The following XAF1 variants were observed in gnomAD, a reference collection of about 807,000 sequenced individuals.
The protein encoded by XAF1 is XIAP-associated factor 1.
XAF1 carries 32 observed loss-of-function variants against 32.3 expected under a neutral mutation model. The ratio of observed to expected loss-of-function variants is 0.99; its 90% CI spans 0.75 to 1.33. The LOEUF (loss-of-function observed/expected upper bound fraction) is 1.33. Ranked by LOEUF, XAF1 falls within the 40% of genes most tolerant of loss-of-function variation. XAF1 has a pLI of 0.00. For missense variants in XAF1, 379 were observed against 366.0 expected (o/e 1.04, Z -0.29); for synonymous variants, 120 against 125.9 (o/e 0.95, Z 0.31).
chr17:6,759,967 G>A (rs907863017), intron 3 of XAF1: 47 of 631,624 alleles, frequency 7.4e-5, no homozygotes, highest in African/African-American at 6.2e-4. Context: ...AGGCAGTCCC[G>A]CACTCTGGCC....
At chr17:6,755,851 T>A, upstream of XAF1, 3 of 1,368,108 alleles carry the variant, frequency 2.2e-6, no homozygotes, top group Non-Finnish European at 2.8e-6. Context: ...GATGCGGCTG[T>A]GACAGCAGCA....
intron 4 of XAF1, chr17:6,761,847 G>A (rs72836229): frequency 0.011 from 14,674 of 1,393,608 alleles, 90 homozygotes; most frequent in Middle Eastern, 0.016. Context: ...GAATGGAGGG[G>A]GTTGGCATCC....
intron 5 of XAF1, among the ~76,000 whole-genome samples, chr17:6,762,532 A>G (rs1396633582): frequency 6.6e-6 from 1 of 152,128 alleles, no homozygotes; most frequent in Non-Finnish European, 1.5e-5. Flanking sequence ...GGACATTGCA[A>G]TTTGGTCCTC....
intron 5 of XAF1, among the ~76,000 whole-genome samples, chr17:6,763,255 G>A (rs958788524): frequency 1.3e-5 from 2 of 152,098 alleles, no homozygotes; most frequent in Non-Finnish European, 1.5e-5. Flanking sequence ...TTCACTTACC[G>A]TAACATTTTC....
chr17:6,766,788 C>T (rs1204759687), intron 5 of XAF1, among the ~76,000 whole-genome samples: 1 of 152,160 alleles, frequency 6.6e-6, no homozygotes, highest in African/African-American at 2.4e-5. Context: ...TCTGAAAATT[C>T]CCCTGAGTAC....
At chr17:6,765,086 T>G (rs73356275) in intron 5 of XAF1, among the ~76,000 whole-genome samples, 8,830 of 152,186 alleles carry the variant, frequency 0.058, 747 homozygotes, top group African/African-American at 0.19. Context: ...TTCACTGCCT[T>G]CATTATTTCA....
chr17:6,769,997 C>T (rs1334081205), intron 5 of XAF1, among the ~76,000 whole-genome samples: 1 of 152,176 alleles, frequency 6.6e-6, no homozygotes, highest in East Asian at 1.9e-4. Context: ...TCAATAGAGT[C>T]TTACTTCCAA....
chr17:6,759,612 T>C lies in XAF1; in HGVS notation c.169-50T>C, dbSNP rs748460572. Reference sequence around the variant, plus strand: ...TGGATGTGGGGCAGGCCCTGGGTGCTGGGTGGACCCACATCTGGTGTGTGT... The same window carrying C: ...TGGATGTGGGGCAGGCCCTGGGTGCCGGGTGGACCCACATCTGGTGTGTGT... On this transcript the variant is annotated intron_variant, in intron 2 of 6. Transcript: ENST00000361842. 12 of 1,606,220 alleles carry C rather than the reference T, an allele frequency of 7.5e-6. No individual in the cohort carries two copies. The East Asian group carries it at 2.5e-4, about 33-fold the overall frequency.
Position 6,758,326 on chromosome 17 carries a change from T to A in XAF1, c.168+102T>A. 2.0e-6 allele frequency: 3 copies of A among 1,505,804 alleles called. No individual in the cohort carries two copies. The South Asian group carries it at 3.6e-5, about 18-fold the overall frequency. The allele number at this position is 1,505,804 out of a possible 1,614,324, so 93.3% of individuals were successfully genotyped here. On this transcript the variant is annotated intron_variant, in intron 2 of 6. Transcript: ENST00000361842. ...TGAGAGTTGGGGGACGAGGGTCTAG[T>A]CCTCCCTGCAGGTGAGATGGGGTCT...
chr17:6,756,283 C>G, intron 1 of XAF1, 173 bp downstream of exon 1: 7,439 of 703,712 alleles, frequency 0.011, no homozygotes, highest in Non-Finnish European at 0.013. Context: ...TTGGTAATCT[C>G]TGGGTGGGGG....
intron 5 of XAF1, among the ~76,000 whole-genome samples, chr17:6,765,606 C>A (rs920991117): frequency 1.3e-5 from 2 of 152,078 alleles, no homozygotes; most frequent in Non-Finnish European, 2.9e-5. Flanking sequence ...ATCCTCTCTG[C>A]CACAGCTTGG....
chr17:6,764,840 C>T lies in XAF1; in HGVS notation c.507+2600C>T, dbSNP rs560563290. On this transcript the variant is annotated intron_variant, in intron 5 of 6. Transcript: ENST00000361842. ...GCTCTCCATTTTAACCAAATCTGCT[C>T]TTGTCAAAATCAATGACCTCTGCAT... 7.2e-5 allele frequency among the ~76,000 whole-genome samples: 11 copies of T among 152,314 alleles called. No homozygotes were observed. The South Asian group carries it at 2.3e-3, about 32-fold the overall frequency.
intron 1 of XAF1, 173 bp downstream of exon 1, chr17:6,756,283 C>A: frequency 1.4e-6 from 1 of 707,932 alleles, no homozygotes; most frequent in Non-Finnish European, 2.1e-6. Context: ...TTGGTAATCT[C>A]TGGGTGGGGG....
intron 5 of XAF1, among the ~76,000 whole-genome samples, chr17:6,766,908 G>A (rs1975663944): frequency 6.6e-6 from 1 of 152,220 alleles, no homozygotes; most frequent in African/African-American, 2.4e-5. Context: ...CACGGTTGGA[G>A]TTCTGATTCC....
chr17:6,768,965 C>T (rs1219925801), intron 5 of XAF1, among the ~76,000 whole-genome samples: 2 of 152,158 alleles, frequency 1.3e-5, no homozygotes, highest in East Asian at 3.8e-4. Context: ...CCCCAACTCT[C>T]CCACATTCTC....
chr17:6,756,583 G>A (rs533481198), intron 1 of XAF1, among the ~76,000 whole-genome samples: 26 of 152,172 alleles, frequency 1.7e-4, no homozygotes, highest in African/African-American at 6.3e-4. Flanking sequence ...CTAACGGGAG[G>A]GGGGGCGCGG....
rs752327671 is a variant in XAF1, at chr17:6,775,615, T to G, written c.*2446T>G. ...AATCCTACACCCACAGAACCCGGCT[T>G]TGTCCCCAAAGAATAAAAACACCTC... On this transcript the variant is annotated 3_prime_UTR_variant, in exon 7 of 7. Transcript: ENST00000361842. The G allele has an allele frequency of 3.9e-5, 6 of 152,232 alleles. No homozygotes were observed. Among genetic ancestry groups the G allele is most frequent in the Non-Finnish European group, 7.3e-5 (5 of 68,072 alleles). The allele number at this position is 152,232 out of a possible 1,614,324, so 9.4% of individuals were successfully genotyped here. A position where few individuals can be genotyped will look rare whatever the true frequency, so the allele number is the denominator to read the frequency against.
Position 6,758,110 on chromosome 17 carries a change from C to G in XAF1, c.54C>G (p.Ala18=). ...GTAGTAAAAGACATGTAGTCTCTGC[C>G]AACTTCACCCTCCATGAGGCTTACT... ...CRNCKRHVVS[A]NFTLHEAYCL... is the part of the protein sequence containing the mutation. Residue 18 remains alanine, a synonymous_variant, in exon 2 of 7, where the codon GCC becomes GCG. Coordinates refer to ENST00000361842, the MANE Select transcript of XAF1 (RefSeq NM_017523.5). 1 of 1,614,220 alleles carries G rather than the reference C, an allele frequency of 6.2e-7. No individual in the cohort carries two copies. Among genetic ancestry groups the G allele is most frequent in the Non-Finnish European group, 8.5e-7 (1 of 1,180,030 alleles).
At chr17:6,756,013 A>G, upstream of XAF1, 2 of 1,612,372 alleles carry the variant, frequency 1.2e-6, no homozygotes, top group South Asian at 1.1e-5. Context: ...CCATCGGAAA[A>G]CTTTCAGTTT....
Sources: gnomAD v4.1 joint callset for allele counts (sites outside exome capture counted in the v4.1 genomes callset) on GRCh38, gnomAD v4.1.1 for gene constraint, MANE v1.5 for transcripts, NCBI Gene and HGNC (gene_info 2026-07-23, HGNC 2026-07-21) for gene names.